Variants in PLEKHG1 observed in about 807,000 individuals in gnomAD.
PLEKHG1 encodes pleckstrin homology domain-containing family G member 1.
PLEKHG1 carries 44 observed loss-of-function variants against 100.8 expected under a neutral mutation model. The observed-to-expected ratio is 0.44, with a 90% confidence interval of 0.34 to 0.56. The LOEUF is 0.56. Ranked by LOEUF, PLEKHG1 falls within the 20% of genes least tolerant of loss-of-function variation. The pLI is 0.01. For missense variants in PLEKHG1, 1,545 were observed against 1,720.9 expected (o/e 0.90, Z 1.81); for synonymous variants, 640 against 662.5 (o/e 0.97, Z 0.52).
intron 3 of PLEKHG1, among the ~76,000 whole-genome samples, chr6:150,681,534 C>T (rs542854186): frequency 6.6e-6 from 1 of 151,608 alleles, no homozygotes; most frequent in Non-Finnish European, 1.5e-5. Context: ...AATAGTAGAT[C>T]GTCTTTTTTT....
chr6:150,735,241 C>T (rs1381612519), intron 2 of PLEKHG1, among the ~76,000 whole-genome samples: 1 of 151,166 alleles, frequency 6.6e-6, no homozygotes, highest in Non-Finnish European at 1.5e-5. Context: ...CTGCCTCGGC[C>T]TCCCAAAGTG....
rs868425331 is a variant in PLEKHG1, at chr6:150,781,437, G to A, written c.513-4953G>A. ...GGAGAATTGCTTGAACCTAGGAAGC[G>A]GAGGTTGCAGTGAGCCGAGATCATG... On this transcript the variant is annotated intron_variant, in intron 3 of 15. Transcript: ENST00000358517. Among the ~76,000 whole-genome samples, 7 of 151,504 alleles carry A rather than the reference G, an allele frequency of 4.6e-5. No homozygotes were observed. The South Asian group carries it at 8.3e-4, about 18-fold the overall frequency.
At chr6:150,708,810 C>T (rs1339749118) in intron 3 of PLEKHG1, among the ~76,000 whole-genome samples, 4 of 152,124 alleles carry the variant, frequency 2.6e-5, no homozygotes, top group Non-Finnish European at 5.9e-5. Flanking sequence ...GGGATGCAAC[C>T]ACAAATGATG....
intron 4 of PLEKHG1, among the ~76,000 whole-genome samples, chr6:150,788,826 T>G (rs752993872): frequency 7.9e-5 from 12 of 152,146 alleles, no homozygotes; most frequent in Non-Finnish European, 5.9e-5. Flanking sequence ...TGTTGGTGCC[T>G]TCTTCCTTTT....
chr6:150,681,825 C>T (rs1021035274), intron 3 of PLEKHG1, among the ~76,000 whole-genome samples: 10 of 152,016 alleles, frequency 6.6e-5, no homozygotes, highest in East Asian at 1.9e-4. Context: ...CAAACTTTGC[C>T]GCTCCTCAAT....
rs373653685 is a variant in PLEKHG1, at chr6:150,754,034, G to A, written c.412-14604G>A. Among the ~76,000 whole-genome samples, 129 of 152,330 alleles carry A rather than the reference G, an allele frequency of 8.5e-4. 2 individuals carry two copies. Among genetic ancestry groups the A allele is most frequent in the African/African-American group, 3.0e-3 (123 of 41,566 alleles). On this transcript the variant is annotated intron_variant, in intron 2 of 15. Transcript: ENST00000358517. ...ACTAACTGTTGATACCAGTTTCAGG[G>A]AGAGAAGGAATGACAAAGATATTTT... is the stretch of plus-strand genomic sequence containing the variant.
chr6:150,657,283 AG>A (rs56960481), intron 3 of PLEKHG1, among the ~76,000 whole-genome samples: 68,396 of 151,948 alleles, frequency 0.45, 18,109 homozygotes, highest in African/African-American at 0.75. Flanking sequence ...CACTGAGCTA[AG>A]GTACTGTGAA....
At chr6:150,810,543 A>G (rs117388504) in intron 10 of PLEKHG1, among the ~76,000 whole-genome samples, 37,707 of 146,180 alleles carry the variant, frequency 0.26, 5,293 homozygotes, top group Middle Eastern at 0.35. Context: ...AGAAAGGAAG[A>G]AAGGAAGGAA....
intron 1 of PLEKHG1, among the ~76,000 whole-genome samples, chr6:150,630,712 C>T (rs568233603): frequency 1.2e-4 from 18 of 152,256 alleles, no homozygotes; most frequent in African/African-American, 3.9e-4. Flanking sequence ...TGGAAATACA[C>T]ACCTGAGAAC....
intron 1 of PLEKHG1, among the ~76,000 whole-genome samples, chr6:150,721,861 AAG>A (rs1350501696): frequency 6.6e-5 from 10 of 152,214 alleles, no homozygotes; most frequent in Non-Finnish European, 1.5e-4. Context: ...TGCATTTTGA[AAG>A]ATATTTATAT....
In PLEKHG1 at chr6:150,789,740, A is replaced by C. The variant is rs569432909; in HGVS notation, c.582+3281A>C. On this transcript the variant is annotated intron_variant, in intron 4 of 15. Transcript: ENST00000358517. ...GTATAGCAAGAGGCAGGAAAGAAAA[A>C]GCAAGAAACTCAAAAAGTATGAGCC... 4.4e-4 allele frequency among the ~76,000 whole-genome samples: 67 copies of C among 152,342 alleles called. No homozygotes were observed. The South Asian group carries it at 8.7e-3, about 20-fold the overall frequency.
At chr6:150,741,910 T>G (rs1444501065) in intron 2 of PLEKHG1, among the ~76,000 whole-genome samples, 1 of 152,236 alleles carries the variant, frequency 6.6e-6, no homozygotes, top group Non-Finnish European at 1.5e-5. Context: ...GGCTGACTTC[T>G]ATCCATTAGA....
intron 3 of PLEKHG1, among the ~76,000 whole-genome samples, chr6:150,697,944 TG>T (rs1490650877): frequency 1.1e-4 from 3 of 26,410 alleles, no homozygotes; most frequent in African/African-American, 2.7e-4. Flanking sequence ...TTTTTGTTGT[TG>T]GGTTTTTTTT....
intron 3 of PLEKHG1, among the ~76,000 whole-genome samples, chr6:150,712,317 C>T (rs1186055551): frequency 6.6e-6 from 1 of 152,054 alleles, no homozygotes; most frequent in African/African-American, 2.4e-5. Context: ...AGGCAGGGAG[C>T]GGAGTGTGCA....
In PLEKHG1 at chr6:150,830,542, T is replaced by C. The variant is rs376665947; in HGVS notation, c.1471-40T>C. ...ATTCCTGAGTTATGTGTCTTCTCCATGGTGCTGTGATTCAGTTGATATGTT... is the reference window on the plus strand; with the variant it reads ...ATTCCTGAGTTATGTGTCTTCTCCACGGTGCTGTGATTCAGTTGATATGTT... On this transcript the variant is annotated intron_variant, in intron 14 of 15. Coordinates refer to ENST00000358517, the Ensembl canonical transcript of PLEKHG1. 9 of 1,429,004 alleles carry C rather than the reference T, an allele frequency of 6.3e-6. No individual in the cohort carries two copies. In the African/African-American group the frequency reaches 1.3e-4, roughly 20 times the overall value. 88.5% of individuals were successfully genotyped at this position (1,429,004 alleles called of 1,614,324 possible).
At chr6:150,780,783 C>T (rs6935347) in intron 3 of PLEKHG1, among the ~76,000 whole-genome samples, 31,756 of 151,958 alleles carry the variant, frequency 0.21, 4,529 homozygotes, top group African/African-American at 0.39. Flanking sequence ...GCTTGTTGGC[C>T]GAAGATTCAT....
chr6:150,769,749 C>T (rs1046880975), intron 3 of PLEKHG1, among the ~76,000 whole-genome samples: 3 of 152,134 alleles, frequency 2.0e-5, no homozygotes, highest in South Asian at 2.1e-4. Context: ...TAACTAACCC[C>T]TGTATGTCAA....
At chr6:150,687,403 T>C (rs1780178039) in intron 3 of PLEKHG1, among the ~76,000 whole-genome samples, 1 of 152,180 alleles carries the variant, frequency 6.6e-6, no homozygotes, top group African/African-American at 2.4e-5. Flanking sequence ...ATTTCTGGGT[T>C]TTCTCAGTAA....
At chr6:150,762,842 T>C (rs1784234332) in intron 2 of PLEKHG1, among the ~76,000 whole-genome samples, 1 of 152,168 alleles carries the variant, frequency 6.6e-6, no homozygotes, top group South Asian at 2.1e-4. Flanking sequence ...CATTTTATTA[T>C]ACCCTGTTCA....
Sources: gnomAD v4.1 joint callset for allele counts (sites outside exome capture counted in the v4.1 genomes callset) on GRCh38, gnomAD v4.1.1 for gene constraint, MANE v1.5 for transcripts, NCBI Gene and HGNC (gene_info 2026-07-23, HGNC 2026-07-21) for gene names.